Variants in FGGY observed in about 807,000 individuals in gnomAD.
FGGY encodes the protein FGGY carbohydrate kinase domain containing.
In FGGY, 72 loss-of-function variants were observed where a neutral mutation model predicts 71.3. The ratio of observed to expected loss-of-function variants is 1.01; its 90% CI spans 0.84 to 1.23. The LOEUF (loss-of-function observed/expected upper bound fraction) is 1.23. Among genes scored for constraint, FGGY ranks in the 50% most tolerant of loss-of-function variants. The pLI, the probability that FGGY is intolerant of heterozygous loss-of-function variation, is 0.00. For missense variants in FGGY, 668 were observed against 682.3 expected, an observed-to-expected ratio of 0.98 and a Z score of 0.23; for synonymous variants, 251 against 250.3, an observed-to-expected ratio of 1.00 and a Z score of -0.02.
In FGGY at chr1:59,457,114, T is replaced by C. The variant is rs2091782730; in HGVS notation, c.670+38T>C. The C allele has an allele frequency of 2.9e-6, 4 of 1,401,246 alleles. No homozygotes were observed. The East Asian group carries it at 6.9e-5, about 24-fold the overall frequency. 86.8% of individuals were successfully genotyped at this position (1,401,246 alleles called of 1,614,324 possible). On this transcript the variant is annotated intron_variant, in intron 6 of 15. Transcript: ENST00000303721. ...AACATCTGTAGAGTGATTATGTGCA[T>C]TGGAGGATCTTGATGGGTTTGTTGT... is the stretch of plus-strand genomic sequence containing the variant.
intron 6 of FGGY, among the ~76,000 whole-genome samples, chr1:59,507,514 T>A (rs532984122): frequency 6.6e-6 from 1 of 152,166 alleles, no homozygotes; most frequent in South Asian, 2.1e-4. Context: ...TTATCTTCTT[T>A]TTTATTTATT....
intron 11 of FGGY, among the ~76,000 whole-genome samples, chr1:59,655,647 G>A (rs1423330634): frequency 6.6e-6 from 1 of 152,114 alleles, no homozygotes; most frequent in East Asian, 1.9e-4. Flanking sequence ...TGGTGTATAT[G>A]TGCCACATTA....
At chr1:59,477,510 G>A (rs556418824) in intron 6 of FGGY, among the ~76,000 whole-genome samples, 7 of 152,290 alleles carry the variant, frequency 4.6e-5, no homozygotes, top group South Asian at 4.2e-4. Flanking sequence ...GTCTTTGCGG[G>A]CGTGAGGAGG....
intron 14 of FGGY, among the ~76,000 whole-genome samples, chr1:59,685,225 A>G (rs1469655216): frequency 6.6e-6 from 1 of 152,048 alleles, no homozygotes; most frequent in African/African-American, 2.4e-5. Flanking sequence ...CTACTGAGGA[A>G]GAAGTTATTT....
At chr1:59,636,718 G>T (rs554912805) in intron 10 of FGGY, among the ~76,000 whole-genome samples, 86 of 152,202 alleles carry the variant, frequency 5.7e-4, no homozygotes, top group African/African-American at 2.0e-3. Flanking sequence ...CTACTCATTG[G>T]TTTGTTTCCC....
At chr1:59,589,496 A>T (rs1038124079) in intron 8 of FGGY, among the ~76,000 whole-genome samples, 1 of 152,188 alleles carries the variant, frequency 6.6e-6, no homozygotes, top group Non-Finnish European at 1.5e-5. Flanking sequence ...TTTTTCCAGC[A>T]CCACACCACA....
intron 5 of FGGY, among the ~76,000 whole-genome samples, chr1:59,407,044 G>C (rs147538751): frequency 1.3e-5 from 2 of 152,192 alleles, no homozygotes; most frequent in Non-Finnish European, 2.9e-5. Flanking sequence ...GAGATGGCAA[G>C]GCAAGAGAAA....
intron 4 of FGGY, among the ~76,000 whole-genome samples, chr1:59,363,028 A>T (rs563523445): frequency 2.0e-5 from 3 of 152,230 alleles, no homozygotes; most frequent in African/African-American, 7.2e-5. Flanking sequence ...TCCTAAAAAA[A>T]GAGCTAAGGG....
chr1:59,473,165 C>T (rs1382237423), intron 6 of FGGY, among the ~76,000 whole-genome samples: 1 of 152,168 alleles, frequency 6.6e-6, no homozygotes, highest in Non-Finnish European at 1.5e-5. Flanking sequence ...TCTTTGGGTC[C>T]ACTTTGCCTT....
intron 8 of FGGY, among the ~76,000 whole-genome samples, chr1:59,586,058 G>T (rs572952499): frequency 2.0e-5 from 3 of 152,346 alleles, no homozygotes; most frequent in South Asian, 2.1e-4. Context: ...TTACACTGTT[G>T]TTGGGACTGT....
At chr1:59,346,159 AT>A in intron 3 of FGGY, 87 bp from the exon 4 acceptor site, 2 of 1,511,318 alleles carry the variant, frequency 1.3e-6, no homozygotes, top group Non-Finnish European at 1.8e-6. Flanking sequence ...AGTACATAGC[AT>A]TTTGATCTTG....
chr1:59,328,422 A>C (rs2047822014), intron 2 of FGGY, among the ~76,000 whole-genome samples: 1 of 152,200 alleles, frequency 6.6e-6, no homozygotes, highest in Non-Finnish European at 1.5e-5. Flanking sequence ...CTCAGCCTTT[A>C]CAGAATTGAA....
At chr1:59,737,262 G>A (rs2098114237) in intron 14 of FGGY, among the ~76,000 whole-genome samples, 1 of 152,238 alleles carries the variant, frequency 6.6e-6, no homozygotes, top group African/African-American at 2.4e-5. Context: ...AGGGAAATGT[G>A]GGGTTGGAGT....
chr1:59,321,527 T>G lies in FGGY; in HGVS notation c.-14-9T>G. ...GTCTTCATATGGTTTTTACACTTGC[T>G]TACTATAGGTGGAGGAACTGCAATG... On this transcript the variant is annotated splice_polypyrimidine_tract_variant and intron_variant, in intron 1 of 15. Coordinates refer to ENST00000303721, the MANE Select transcript of FGGY (RefSeq NM_018291.5). 6 of 1,612,010 alleles carry G rather than the reference T, an allele frequency of 3.7e-6. No homozygotes were observed. The highest frequency in any genetic ancestry group is 5.1e-6 in the Non-Finnish European group (6 of 1,178,754).
At chr1:59,753,925 G>T (rs373995911) in intron 14 of FGGY, among the ~76,000 whole-genome samples, 79 of 152,124 alleles carry the variant, frequency 5.2e-4, no homozygotes, top group African/African-American at 1.7e-3. Context: ...AACCTTTATG[G>T]TCCTTTAAGT....
chr1:59,682,469 T>G (rs2097510144), intron 14 of FGGY, among the ~76,000 whole-genome samples: 1 of 152,132 alleles, frequency 6.6e-6, no homozygotes, highest in Non-Finnish European at 1.5e-5. Context: ...CATAGAGACA[T>G]AGAGAAATCA....
intron 5 of FGGY, among the ~76,000 whole-genome samples, chr1:59,456,069 T>TA (rs144546828): frequency 0.036 from 5,513 of 152,284 alleles, 140 homozygotes; most frequent in East Asian, 0.13. Context: ...AACTTTTTTT[T>TA]ATCATAGAAA....
chr1:59,610,497 G>A (rs772227236), intron 9 of FGGY, among the ~76,000 whole-genome samples: 1 of 148,860 alleles, frequency 6.7e-6, no homozygotes, highest in Non-Finnish European at 1.5e-5. Context: ...CATTTGGGTC[G>A]GTTCCATGTC....
intron 1 of FGGY, among the ~76,000 whole-genome samples, chr1:59,312,869 G>A (rs1262489085): frequency 6.6e-6 from 1 of 152,160 alleles, no homozygotes; most frequent in African/African-American, 2.4e-5. Context: ...GGCACACATG[G>A]GGATTTGGTA....
Sources: gnomAD v4.1 joint callset for allele counts (sites outside exome capture counted in the v4.1 genomes callset) on GRCh38, gnomAD v4.1.1 for gene constraint, MANE v1.5 for transcripts, NCBI Gene and HGNC (gene_info 2026-07-23, HGNC 2026-07-21) for gene names.